ANKS1B: variants seen among roughly 807,000 people sequenced by gnomAD.
The protein encoded by ANKS1B is ankyrin repeat and sterile alpha motif domain-containing protein 1B.
A neutral mutation model predicts 148.3 loss-of-function variants in ANKS1B; 36 were observed. That is an observed-to-expected ratio of 0.24 (90% CI 0.19 to 0.32). The LOEUF (loss-of-function observed/expected upper bound fraction) is 0.32. Among genes scored for constraint, ANKS1B ranks in the 10% least tolerant of loss-of-function variants. The probability of loss-of-function intolerance (pLI) is 1.00; values close to 1 mark genes in which losing one functional copy is unlikely to be tolerated. For missense variants in ANKS1B, 1,157 were observed against 1,542.6 expected, an observed-to-expected ratio of 0.75 and a Z score of 4.19; for synonymous variants, 542 against 560.8, an observed-to-expected ratio of 0.97 and a Z score of 0.47.
chr12:98,799,050 A>G (rs2098977745), intron 21 of ANKS1B, 45 bp from the exon 22 acceptor site: 2 of 1,357,892 alleles, frequency 1.5e-6, no homozygotes, highest in Admixed American at 2.2e-5. Flanking sequence ...TGGAATATAC[A>G]TATGAGTAAT....
intron 12 of ANKS1B, among the ~76,000 whole-genome samples, chr12:99,345,567 T>C (rs1289931125): frequency 6.6e-6 from 1 of 151,990 alleles, no homozygotes; most frequent in Non-Finnish European, 1.5e-5. Context: ...AGAGACATCA[T>C]TTTCGTTCAG....
At chr12:99,297,079 G>C (rs2080971356) in intron 12 of ANKS1B, among the ~76,000 whole-genome samples, 1 of 152,024 alleles carries the variant, frequency 6.6e-6, no homozygotes, top group African/African-American at 2.4e-5. Flanking sequence ...AGTTATTCCT[G>C]ATTACTTTAG....
At chr12:99,561,607 C>T (rs2097336575) in intron 9 of ANKS1B, among the ~76,000 whole-genome samples, 1 of 151,812 alleles carries the variant, frequency 6.6e-6, no homozygotes. Context: ...CTCAAGAAAC[C>T]ACTTTTTTTT....
intron 17 of ANKS1B, among the ~76,000 whole-genome samples, chr12:98,888,549 C>T (rs1346495399): frequency 6.6e-6 from 1 of 152,244 alleles, no homozygotes; most frequent in African/African-American, 2.4e-5. Context: ...CTCTTTGCCA[C>T]GACCAGCAAG....
intron 9 of ANKS1B, among the ~76,000 whole-genome samples, chr12:99,518,493 C>T (rs899353043): frequency 5.1e-4 from 78 of 151,980 alleles, no homozygotes; most frequent in African/African-American, 1.7e-3. Context: ...TCCAATTTAT[C>T]GGCCTATAGT....
At chr12:99,676,076 G>A (rs1164403715) in intron 8 of ANKS1B, among the ~76,000 whole-genome samples, 5 of 152,102 alleles carry the variant, frequency 3.3e-5, no homozygotes, top group Non-Finnish European at 5.9e-5. Context: ...TTGTGATAGT[G>A]AGTGAGTTCT....
chr12:98,811,221 G>A (rs1479457880), intron 19 of ANKS1B, among the ~76,000 whole-genome samples: 1 of 152,098 alleles, frequency 6.6e-6, no homozygotes, highest in African/African-American at 2.4e-5. Context: ...AGTTTCTGCT[G>A]GCAGAAATCT....
chr12:99,065,306 T>G (rs2043760306), intron 16 of ANKS1B, among the ~76,000 whole-genome samples: 1 of 152,196 alleles, frequency 6.6e-6, no homozygotes, highest in Non-Finnish European at 1.5e-5. Context: ...AACTTGAGTC[T>G]TCAGAAGATA....
chr12:99,038,251 AT>A (rs1207031792), intron 17 of ANKS1B, among the ~76,000 whole-genome samples: 1 of 152,048 alleles, frequency 6.6e-6, no homozygotes, highest in Non-Finnish European at 1.5e-5. Context: ...GGAACTCTTG[AT>A]TTCTCCCTCC....
chr12:99,400,955 G>C (rs1332393218), intron 11 of ANKS1B, among the ~76,000 whole-genome samples: 1 of 145,018 alleles, frequency 6.9e-6, no homozygotes, highest in East Asian at 1.9e-4. Context: ...ATCTAAAATA[G>C]ACAATCATAT....
chr12:99,319,215 T>G (rs1294566477), intron 12 of ANKS1B, among the ~76,000 whole-genome samples: 1 of 152,178 alleles, frequency 6.6e-6, no homozygotes, highest in Non-Finnish European at 1.5e-5. Flanking sequence ...TGAGTTCAAT[T>G]CCTGGATATC....
At chr12:98,852,634 G>C (rs569424905) in intron 17 of ANKS1B, among the ~76,000 whole-genome samples, 1 of 152,112 alleles carries the variant, frequency 6.6e-6, no homozygotes, top group Non-Finnish European at 1.5e-5. Flanking sequence ...CTATGAGTTT[G>C]ATATTGTTAT....
intron 15 of ANKS1B, among the ~76,000 whole-genome samples, chr12:99,143,101 T>A (rs545084283): frequency 6.6e-6 from 1 of 152,284 alleles, no homozygotes; most frequent in South Asian, 2.1e-4. Flanking sequence ...ACAAGCCTAA[T>A]TCTCTTTGCC....
chr12:99,133,881 A>G (rs1466293873), intron 15 of ANKS1B, among the ~76,000 whole-genome samples: 1 of 152,236 alleles, frequency 6.6e-6, no homozygotes, highest in Non-Finnish European at 1.5e-5. Context: ...GAATGGAATC[A>G]TATAAACTTC....
intron 17 of ANKS1B, among the ~76,000 whole-genome samples, chr12:98,967,383 T>C (rs1253982461): frequency 6.6e-6 from 1 of 152,034 alleles, no homozygotes; most frequent in Non-Finnish European, 1.5e-5. Flanking sequence ...AGACCTCCAC[T>C]ATCTTCTGTT....
chr12:99,875,424 TAC>T (rs2091958806), intron 1 of ANKS1B, among the ~76,000 whole-genome samples: 1 of 149,708 alleles, frequency 6.7e-6, no homozygotes, highest in South Asian at 2.1e-4. Flanking sequence ...CCAAATCATT[TAC>T]AGTTTAACTT....
chr12:99,122,997 A>AATATATATAT (rs1555271767), intron 15 of ANKS1B, among the ~76,000 whole-genome samples: 1 of 141,686 alleles, frequency 7.1e-6, no homozygotes, highest in Non-Finnish European at 1.5e-5. Context: ...TTAAAAAAAA[A>AATATATATAT]ATATATATAT....
intron 1 of ANKS1B, among the ~76,000 whole-genome samples, chr12:99,974,337 C>T (rs1279052691): frequency 1.3e-5 from 2 of 152,130 alleles, no homozygotes; most frequent in Non-Finnish European, 1.5e-5. Flanking sequence ...TTGTATGACT[C>T]ACTTTATTGC....
At chr12:99,467,190 A>G (rs2096135713) in intron 10 of ANKS1B, among the ~76,000 whole-genome samples, 1 of 152,210 alleles carries the variant, frequency 6.6e-6, no homozygotes, top group African/African-American at 2.4e-5. Flanking sequence ...GACAAAAACC[A>G]GGTGATTATC....
Sources: allele counts gnomAD v4.1 joint callset (sites outside exome capture counted in the v4.1 genomes callset), GRCh38; gene constraint gnomAD v4.1.1; transcripts MANE v1.5; gene names NCBI Gene and HGNC (gene_info 2026-07-23, HGNC 2026-07-21).